Variants in DGKI observed in about 807,000 individuals in gnomAD.
DGKI encodes the protein DAG kinase iota.
Under a neutral mutation model 147.5 loss-of-function variants are expected in DGKI, and 55 were observed. The observed-to-expected ratio is 0.37, with a 90% confidence interval of 0.30 to 0.47. The LOEUF is 0.47. DGKI is among the 20% of genes least tolerant of loss of function. DGKI has a pLI of 1.00. For synonymous variants in DGKI, 469 were observed against 477.1 expected (o/e 0.98, Z 0.22); for missense variants, 1,007 against 1,323.8 (o/e 0.76, Z 3.71).
At chr7:137,488,292 CT>C (rs1051728584) in intron 21 of DGKI, among the ~76,000 whole-genome samples, 3 of 152,082 alleles carry the variant, frequency 2.0e-5, no homozygotes, top group African/African-American at 7.2e-5. Flanking sequence ...AAAACAGCTT[CT>C]AGAAGAGGCA....
intron 21 of DGKI, among the ~76,000 whole-genome samples, chr7:137,505,698 T>C (rs1489802010): frequency 2.7e-5 from 3 of 109,434 alleles, no homozygotes; most frequent in Non-Finnish European, 5.5e-5. Flanking sequence ...CAACAAAGAA[T>C]CCATAAGAGA....
intron 20 of DGKI, among the ~76,000 whole-genome samples, chr7:137,547,763 G>T (rs1355954799): frequency 6.6e-6 from 1 of 152,124 alleles, no homozygotes; most frequent in Non-Finnish European, 1.5e-5. Flanking sequence ...TTTAGTAAGT[G>T]GTGTAATGGA....
intron 28 of DGKI, among the ~76,000 whole-genome samples, chr7:137,427,177 G>T (rs1159856437): frequency 6.6e-6 from 1 of 152,056 alleles, no homozygotes; most frequent in African/African-American, 2.4e-5. Context: ...AAATGTAAAA[G>T]AACAGAAATT....
chr7:137,518,547 T>C (rs1052526192), intron 21 of DGKI, among the ~76,000 whole-genome samples: 1 of 152,134 alleles, frequency 6.6e-6, no homozygotes, highest in Non-Finnish European at 1.5e-5. Context: ...CTGTATTTGA[T>C]ATACAACAAA....
At chr7:137,514,850 C>A (rs1370825014) in intron 21 of DGKI, among the ~76,000 whole-genome samples, 2 of 152,134 alleles carry the variant, frequency 1.3e-5, no homozygotes, top group African/African-American at 4.8e-5. Context: ...TCCATCATTG[C>A]AACCTGAAAA....
chr7:137,572,905 C>G, intron 17 of DGKI, 67 bp from the exon 18 acceptor site: 1 of 1,195,784 alleles, frequency 8.4e-7, no homozygotes, highest in East Asian at 2.3e-5. Context: ...TGAAAGATAA[C>G]TAGTTTGACA....
intron 3 of DGKI, among the ~76,000 whole-genome samples, chr7:137,673,553 C>T (rs1396443301): frequency 6.6e-6 from 1 of 152,192 alleles, no homozygotes; most frequent in Non-Finnish European, 1.5e-5. Context: ...AGTAGCAATA[C>T]TTTAAATCAG....
At chr7:137,778,359 C>T (rs1046536958) in intron 1 of DGKI, among the ~76,000 whole-genome samples, 1 of 152,014 alleles carries the variant, frequency 6.6e-6, no homozygotes, top group Non-Finnish European at 1.5e-5. Context: ...GAGGAGGAAT[C>T]TAAAAAAGGA....
chr7:137,706,824 G>C (rs546827179), intron 1 of DGKI, among the ~76,000 whole-genome samples: 1 of 151,678 alleles, frequency 6.6e-6, no homozygotes, highest in Non-Finnish European at 1.5e-5. Context: ...CACCCACCTC[G>C]GCCTCCCATA....
intron 28 of DGKI, among the ~76,000 whole-genome samples, chr7:137,429,594 A>G (rs1204227269): frequency 6.6e-6 from 1 of 152,076 alleles, no homozygotes; most frequent in Non-Finnish European, 1.5e-5. Context: ...AGCAAAAAAA[A>G]CTACCATCAG....
At chr7:137,512,359 C>A (rs1029644527) in intron 21 of DGKI, among the ~76,000 whole-genome samples, 3 of 152,130 alleles carry the variant, frequency 2.0e-5, no homozygotes, top group African/African-American at 4.8e-5. Flanking sequence ...TATTATTAAA[C>A]AGGATAGTTG....
At chr7:137,827,524 C>G (rs1172281498) in intron 1 of DGKI, among the ~76,000 whole-genome samples, 1 of 152,160 alleles carries the variant, frequency 6.6e-6, no homozygotes, top group Admixed American at 6.5e-5. Context: ...TCCCCATCTC[C>G]TCCTATTGAA....
intron 19 of DGKI, among the ~76,000 whole-genome samples, chr7:137,553,512 A>C (rs1186799427): frequency 6.6e-6 from 1 of 152,142 alleles, no homozygotes; most frequent in Non-Finnish European, 1.5e-5. Flanking sequence ...AAAGTCTGTC[A>C]TTAAGGAGCA....
chr7:137,459,533 G>GGA (rs1396754693), intron 27 of DGKI, among the ~76,000 whole-genome samples: 16 of 139,720 alleles, frequency 1.1e-4, no homozygotes, highest in Admixed American at 4.6e-4. Context: ...GGAGTGCAGT[G>GGA]GCACGGTCTT....
chr7:137,600,999 C>T (rs960365656), intron 10 of DGKI, among the ~76,000 whole-genome samples: 10 of 152,096 alleles, frequency 6.6e-5, no homozygotes, highest in Admixed American at 5.9e-4. Flanking sequence ...GGGCCGGGCA[C>T]GGTGGCTCAT....
chr7:137,645,910 A>G (rs1277417295), intron 5 of DGKI, among the ~76,000 whole-genome samples: 1 of 152,214 alleles, frequency 6.6e-6, no homozygotes, highest in Non-Finnish European at 1.5e-5. Context: ...ATCCCCAAAG[A>G]TCTTTCATAT....
intron 1 of DGKI, among the ~76,000 whole-genome samples, chr7:137,762,384 C>A (rs1395773059): frequency 6.6e-6 from 1 of 152,204 alleles, no homozygotes; most frequent in Non-Finnish European, 1.5e-5. Flanking sequence ...AGAGCATGCC[C>A]TTTATGTTAC....
chr7:137,540,761 CCAAAAAAAAAAA>C (rs1240323618), intron 20 of DGKI, among the ~76,000 whole-genome samples: 22 of 35,538 alleles, frequency 6.2e-4, no homozygotes, highest in Admixed American at 1.3e-3. Flanking sequence ...AAAAACCCCC[CCAAAAAAAAAAA>C]AAAAAAAAAA....
chr7:137,515,628 A>C (rs1314920256), intron 21 of DGKI, among the ~76,000 whole-genome samples: 1 of 152,182 alleles, frequency 6.6e-6, no homozygotes, highest in Non-Finnish European at 1.5e-5. Flanking sequence ...TGGAGGAAGC[A>C]GAAAACACAG....
Sources: gnomAD v4.1 joint callset for allele counts (sites outside exome capture counted in the v4.1 genomes callset) on GRCh38, gnomAD v4.1.1 for gene constraint, MANE v1.5 for transcripts, NCBI Gene and HGNC (gene_info 2026-07-23, HGNC 2026-07-21) for gene names.